COL25A1: variants seen among roughly 807,000 people sequenced by gnomAD.
The protein encoded by COL25A1 is collagen type XXV alpha 1 chain, also known as collagen alpha-1(XXV) chain.
In COL25A1, 103 loss-of-function variants were observed where a neutral mutation model predicts 128.4. That is an observed-to-expected ratio of 0.80 (90% CI 0.68 to 0.94). The LOEUF (loss-of-function observed/expected upper bound fraction) is 0.94. Ranked by LOEUF, COL25A1 falls within the 40% of genes least tolerant of loss-of-function variation. The probability of loss-of-function intolerance (pLI) is 0.00; values close to 1 mark genes in which losing one functional copy is unlikely to be tolerated. For synonymous variants in COL25A1, 279 were observed against 277.2 expected (o/e 1.01, Z -0.06); for missense variants, 745 against 840.0 (o/e 0.89, Z 1.40).
chr4:108,906,981 A>G (rs1356864771), intron 13 of COL25A1, among the ~76,000 whole-genome samples: 10 of 152,226 alleles, frequency 6.6e-5, no homozygotes, highest in Non-Finnish European at 1.0e-4. Flanking sequence ...GGAAAATAAT[A>G]TAACTGTCAT....
At chr4:109,118,055 C>T (rs963873780) in intron 3 of COL25A1, among the ~76,000 whole-genome samples, 3 of 151,662 alleles carry the variant, frequency 2.0e-5, no homozygotes, top group South Asian at 4.2e-4. Flanking sequence ...AAACAAAAAA[C>T]AGTACCAAAT....
intron 8 of COL25A1, among the ~76,000 whole-genome samples, chr4:108,960,841 C>G (rs1750598357): frequency 1.3e-5 from 2 of 152,070 alleles, no homozygotes; most frequent in Non-Finnish European, 2.9e-5. Flanking sequence ...CAGAGCCAGT[C>G]TTTGATGCGA....
At chr4:108,845,651 T>C (rs1734995095) in intron 28 of COL25A1, among the ~76,000 whole-genome samples, 1 of 152,220 alleles carries the variant, frequency 6.6e-6, no homozygotes, top group Non-Finnish European at 1.5e-5. Flanking sequence ...CAGTGGAGTT[T>C]ACTGCATTTT....
At chr4:109,109,407 A>G (rs1022449566) in intron 3 of COL25A1, among the ~76,000 whole-genome samples, 1 of 152,052 alleles carries the variant, frequency 6.6e-6, no homozygotes. Context: ...CCATCTTTGT[A>G]TTTTTAGTAC....
At chr4:109,283,171 T>C (rs1723544577) in intron 3 of COL25A1, among the ~76,000 whole-genome samples, 1 of 152,182 alleles carries the variant, frequency 6.6e-6, no homozygotes, top group African/African-American at 2.4e-5. Flanking sequence ...TTCTCCAAAC[T>C]GAAAATATCC....
chr4:108,920,694 C>T, intron 11 of COL25A1, 90 bp from the exon 12 acceptor site: 1 of 854,578 alleles, frequency 1.2e-6, no homozygotes, highest in Non-Finnish European at 1.8e-6. Context: ...CTAAGATTCT[C>T]TTTGCTGTAC....
In COL25A1 at chr4:108,869,190, CAATAAATAAATAAATA is replaced by C. The variant is rs72348233; in HGVS notation, c.1021-56_1021-41del. 6 of 754,494 alleles carry C rather than the reference CAATAAATAAATAAATA, an allele frequency of 8.0e-6. No individual in the cohort carries two copies. The African/African-American group carries it at 8.4e-5, about 11-fold the overall frequency. The allele number at this position is 754,494 out of a possible 1,614,324, so 46.7% of individuals were successfully genotyped here. Reference sequence around the variant, plus strand: ...GCATATGAGATCATTAATCATTTGACAATAAATAAATAAATAAATAAATAAATAAATAAAAACTAAA... The same window carrying C: ...GCATATGAGATCATTAATCATTTGACAATAAATAAATAAATAAAAACTAAA... On this transcript the variant is annotated intron_variant, in intron 19 of 37. Transcript: ENST00000399132.
At chr4:108,972,780 G>A (rs1752047829) in intron 8 of COL25A1, among the ~76,000 whole-genome samples, 1 of 152,160 alleles carries the variant, frequency 6.6e-6, no homozygotes, top group Admixed American at 6.5e-5. Flanking sequence ...AAGGCAGTCT[G>A]GGTTTGTCGA....
chr4:108,956,612 G>A (rs1750103038), intron 8 of COL25A1, among the ~76,000 whole-genome samples: 1 of 152,252 alleles, frequency 6.6e-6, no homozygotes, highest in African/African-American at 2.4e-5. Context: ...CACCATGTTG[G>A]CCAGACTGGT....
At chr4:109,196,889 T>C (rs1011169318) in intron 3 of COL25A1, among the ~76,000 whole-genome samples, 4 of 152,222 alleles carry the variant, frequency 2.6e-5, no homozygotes, top group Non-Finnish European at 4.4e-5. Flanking sequence ...TCAAGTAATG[T>C]TAAAATTCAA....
At chr4:108,937,878 G>C (rs145009439) in intron 10 of COL25A1, 35 bp from the exon 11 acceptor site, 3 of 1,548,952 alleles carry the variant, frequency 1.9e-6, no homozygotes, top group Non-Finnish European at 1.8e-6. Flanking sequence ...TAGTAACGCT[G>C]TAAGTATTTA....
chr4:108,859,450 A>C (rs761172854), intron 24 of COL25A1, among the ~76,000 whole-genome samples: 6 of 152,234 alleles, frequency 3.9e-5, no homozygotes, highest in Non-Finnish European at 7.3e-5. Flanking sequence ...GGGAAAGGAA[A>C]GAAATGATTG....
intron 3 of COL25A1, among the ~76,000 whole-genome samples, chr4:109,174,825 G>GCTTTGGTC (rs1773935753): frequency 6.6e-6 from 1 of 152,224 alleles, no homozygotes; most frequent in African/African-American, 2.4e-5. Flanking sequence ...AGCCAAGGCT[G>GCTTTGGTC]CAGACTACTA....
At chr4:109,252,423 T>G (rs1283014279) in intron 3 of COL25A1, among the ~76,000 whole-genome samples, 4 of 152,224 alleles carry the variant, frequency 2.6e-5, no homozygotes, top group African/African-American at 7.2e-5. Context: ...GGCTACTTTA[T>G]GAGCCAACTG....
intron 6 of COL25A1, among the ~76,000 whole-genome samples, chr4:108,976,327 A>G (rs1752441327): frequency 1.3e-5 from 2 of 152,206 alleles, no homozygotes; most frequent in Non-Finnish European, 2.9e-5. Context: ...ACCAAACACC[A>G]TTTCTTGAAA....
intron 11 of COL25A1, among the ~76,000 whole-genome samples, chr4:108,925,365 C>T (rs564716135): frequency 1.3e-5 from 2 of 151,868 alleles, no homozygotes; most frequent in Admixed American, 6.6e-5. Flanking sequence ...GGGGGCGGGG[C>T]GGTCATTTAG....
chr4:108,964,774 C>G (rs1245094374), intron 8 of COL25A1, among the ~76,000 whole-genome samples: 1 of 152,136 alleles, frequency 6.6e-6, no homozygotes, highest in African/African-American at 2.4e-5. Flanking sequence ...TGAAGTATGA[C>G]ACAGAACACT....
intron 3 of COL25A1, among the ~76,000 whole-genome samples, chr4:109,218,374 T>TTTTTTTGTTTTTTTTTTTTG: frequency 7.1e-6 from 1 of 141,438 alleles, no homozygotes; most frequent in South Asian, 2.3e-4. Flanking sequence ...TTTTTTTTTT[T>TTTTTTTGTTTTTTTTTTTTG]TTTTTTTTGC....
chr4:108,833,200 T>C (rs1452419171), intron 31 of COL25A1, among the ~76,000 whole-genome samples: 1 of 152,162 alleles, frequency 6.6e-6, no homozygotes, highest in Non-Finnish European at 1.5e-5. Flanking sequence ...GAAAACAGTG[T>C]GTAACTGTTC....
Sources: gnomAD v4.1 joint callset for allele counts (sites outside exome capture counted in the v4.1 genomes callset) on GRCh38, gnomAD v4.1.1 for gene constraint, MANE v1.5 for transcripts, NCBI Gene and HGNC (gene_info 2026-07-23, HGNC 2026-07-21) for gene names.